The following KLF12 variants were observed in gnomAD, a reference collection of about 807,000 sequenced individuals.
KLF12 encodes the protein Krueppel-like factor 12.
KLF12 carries 9 observed loss-of-function variants against 37.8 expected under a neutral mutation model. That is an observed-to-expected ratio of 0.24 (90% CI 0.14 to 0.42). KLF12 has a LOEUF of 0.42. KLF12 is among the 10% of genes least tolerant of loss of function. The probability of loss-of-function intolerance (pLI) is 1.00; values close to 1 mark genes in which losing one functional copy is unlikely to be tolerated. For synonymous variants in KLF12, 208 were observed against 202.1 expected (o/e 1.03, Z -0.25); for missense variants, 411 against 516.0 (o/e 0.80, Z 1.97).
At chr13:74,104,407 G>T (rs12863246) in intron 1 of KLF12, among the ~76,000 whole-genome samples, 2,510 of 152,214 alleles carry the variant, frequency 0.016, 48 homozygotes, top group Middle Eastern at 0.034. Context: ...CATGTTCTAT[G>T]AATCATTAAA....
At chr13:74,094,217 A>G (rs1875845141) in intron 1 of KLF12, among the ~76,000 whole-genome samples, 1 of 152,220 alleles carries the variant, frequency 6.6e-6, no homozygotes, top group African/African-American at 2.4e-5. Context: ...ATCTACTTGA[A>G]TTAGCTATAC....
chr13:74,082,618 A>G (rs1383033221), intron 1 of KLF12, among the ~76,000 whole-genome samples: 1 of 151,956 alleles, frequency 6.6e-6, no homozygotes, highest in Non-Finnish European at 1.5e-5. Context: ...ACCAAATACA[A>G]GTTGTTTTTA....
the KLF12 span, among the ~76,000 whole-genome samples, chr13:74,206,647 G>C: frequency 2.0e-5 from 3 of 152,170 alleles, no homozygotes; most frequent in African/African-American, 7.2e-5. Context: ...AAAAAGTGTT[G>C]GTTCTAGAAT....
At chr13:73,828,008 G>A (rs928567565) in intron 4 of KLF12, among the ~76,000 whole-genome samples, 1 of 151,700 alleles carries the variant, frequency 6.6e-6, no homozygotes, top group African/African-American at 2.4e-5. Context: ...TTCTTTATGA[G>A]TCTTATCAGC....
the KLF12 span, among the ~76,000 whole-genome samples, chr13:74,267,640 G>T: frequency 6.6e-6 from 1 of 152,142 alleles, no homozygotes; most frequent in East Asian, 1.9e-4. Context: ...TATGGTTATA[G>T]AGAAGAAATA....
chr13:73,989,263 T>C (rs1365547078), intron 2 of KLF12, among the ~76,000 whole-genome samples: 2 of 152,158 alleles, frequency 1.3e-5, no homozygotes, highest in Non-Finnish European at 2.9e-5. Context: ...TCAAATACTG[T>C]GAAATGTGAG....
intron 3 of KLF12, among the ~76,000 whole-genome samples, chr13:73,908,349 C>T (rs1277212005): frequency 6.9e-6 from 1 of 144,444 alleles, no homozygotes; most frequent in East Asian, 2.2e-4. Flanking sequence ...TTGCAGTGAG[C>T]CGAGACTGAA....
chr13:74,186,279 A>G, the KLF12 span, among the ~76,000 whole-genome samples: 1 of 152,134 alleles, frequency 6.6e-6, no homozygotes, highest in Non-Finnish European at 1.5e-5. Flanking sequence ...ATTTTAGCTT[A>G]CAATTGTAAT....
chr13:74,129,391 A>T (rs923590814), intron 1 of KLF12, among the ~76,000 whole-genome samples: 1 of 152,230 alleles, frequency 6.6e-6, no homozygotes, highest in South Asian at 2.1e-4. Context: ...GTGAAAGGCC[A>T]TATATACTGA....
At chr13:73,829,495 A>AT (rs573916342) in intron 4 of KLF12, among the ~76,000 whole-genome samples, 284 of 152,312 alleles carry the variant, frequency 1.9e-3, no homozygotes, top group Non-Finnish European at 3.2e-3. Context: ...AGGTGGTATC[A>AT]TTTTTTAATA....
At chr13:73,914,836 ACAT>A (rs1888742444) in intron 3 of KLF12, among the ~76,000 whole-genome samples, 1 of 152,014 alleles carries the variant, frequency 6.6e-6, no homozygotes, top group Admixed American at 6.6e-5. Flanking sequence ...TTGGGATCCT[ACAT>A]TTCCCCTCTT....
chr13:73,940,126 T>C (rs1890123854), intron 3 of KLF12, among the ~76,000 whole-genome samples: 1 of 152,168 alleles, frequency 6.6e-6, no homozygotes, highest in African/African-American at 2.4e-5. Context: ...CTGGGTGTGA[T>C]AGTTCTAATA....
chr13:73,814,169 C>G (rs1286138002), intron 4 of KLF12, among the ~76,000 whole-genome samples: 1 of 152,186 alleles, frequency 6.6e-6, no homozygotes, highest in East Asian at 1.9e-4. Flanking sequence ...CTAGGCATAT[C>G]TTTTCAATGA....
upstream of KLF12, among the ~76,000 whole-genome samples, chr13:74,137,687 T>C (rs549641711): frequency 7.2e-5 from 11 of 152,344 alleles, no homozygotes; most frequent in Admixed American, 2.0e-4. Context: ...GCTCTTCTTA[T>C]ACTCAACCAG....
At chr13:73,784,433 C>A (rs1019075052) in intron 5 of KLF12, among the ~76,000 whole-genome samples, 1 of 152,036 alleles carries the variant, frequency 6.6e-6, no homozygotes, top group African/African-American at 2.4e-5. Context: ...TCGTCGTTTT[C>A]TCTCTGTGAT....
the KLF12 span, among the ~76,000 whole-genome samples, chr13:74,171,427 G>GAACTTC: frequency 6.6e-6 from 1 of 152,170 alleles, no homozygotes; most frequent in Middle Eastern, 3.4e-3. Flanking sequence ...AGGGACTCTG[G>GAACTTC]AACTTCAATT....
the KLF12 span, among the ~76,000 whole-genome samples, chr13:74,290,210 G>A: frequency 5.9e-5 from 9 of 152,232 alleles, no homozygotes; most frequent in African/African-American, 1.4e-4. Context: ...CTCTGCAGCC[G>A]TTGACACCAC....
chr13:74,201,319 CTTG>C, the KLF12 span, among the ~76,000 whole-genome samples: 1 of 152,294 alleles, frequency 6.6e-6, no homozygotes, highest in East Asian at 1.9e-4. Context: ...GTCACATCCT[CTTG>C]TTGTAATGTA....
intron 1 of KLF12, among the ~76,000 whole-genome samples, chr13:74,079,265 C>A (rs1168740298): frequency 6.6e-6 from 1 of 152,070 alleles, no homozygotes; most frequent in Non-Finnish European, 1.5e-5. Context: ...TAAAGAGATT[C>A]CATTTTGCAA....
Sources: allele counts gnomAD v4.1 joint callset (sites outside exome capture counted in the v4.1 genomes callset), GRCh38; gene constraint gnomAD v4.1.1; transcripts MANE v1.5; gene names NCBI Gene and HGNC (gene_info 2026-07-23, HGNC 2026-07-21).